C12orf56: variants seen among roughly 807,000 people sequenced by gnomAD.
The protein encoded by C12orf56 is chromosome 12 open reading frame 56, also known as uncharacterized protein C12orf56.
Under a neutral mutation model 69.9 loss-of-function variants are expected in C12orf56, and 71 were observed. The observed-to-expected ratio is 1.02, with a 90% CI of 0.84 to 1.24. The LOEUF is 1.24. Ranked by LOEUF, C12orf56 falls within the 50% of genes most tolerant of loss-of-function variation. The pLI is 0.00. For missense variants in C12orf56, 732 were observed against 738.5 expected (o/e 0.99, Z 0.10); for synonymous variants, 276 against 274.1 (o/e 1.01, Z -0.07).
At chr12:64,302,113 A>T (rs1385762269) in intron 6 of C12orf56, among the ~76,000 whole-genome samples, 2 of 152,216 alleles carry the variant, frequency 1.3e-5, no homozygotes, top group Admixed American at 6.5e-5. Flanking sequence ...CCCTTTCCAC[A>T]TGAATTCCAT....
chr12:64,312,598 G>A, intron 5 of C12orf56, 81 bp downstream of exon 5: 1 of 1,023,964 alleles, frequency 9.8e-7, no homozygotes, highest in East Asian at 2.6e-5. Flanking sequence ...AACAGAGTGA[G>A]ACTCAGTTTC....
intron 11 of C12orf56, among the ~76,000 whole-genome samples, chr12:64,272,896 G>A (rs1445388221): frequency 1.3e-5 from 2 of 152,144 alleles, no homozygotes; most frequent in East Asian, 3.9e-4. Context: ...GTAAACATAT[G>A]TCATAGGGAT....
At chr12:64,343,407 AC>A (rs1378569665) in intron 2 of C12orf56, among the ~76,000 whole-genome samples, 1 of 152,176 alleles carries the variant, frequency 6.6e-6, no homozygotes, top group Non-Finnish European at 1.5e-5. Flanking sequence ...TAAGATTATG[AC>A]ACAAAGCTGG....
intron 1 of C12orf56, among the ~76,000 whole-genome samples, chr12:64,357,840 C>T (rs1337357807): frequency 2.6e-5 from 4 of 151,772 alleles, no homozygotes; most frequent in Admixed American, 2.0e-4. Context: ...ACAGAGGCTG[C>T]AGTGAGCCAA....
At chr12:64,337,481 G>A (rs2039011180) in intron 2 of C12orf56, among the ~76,000 whole-genome samples, 1 of 152,098 alleles carries the variant, frequency 6.6e-6, no homozygotes, top group Admixed American at 6.6e-5. Flanking sequence ...TACTACTTTG[G>A]CATATTGGTT....
In C12orf56 at chr12:64,365,460, C is replaced by T. The variant is rs1269859484; in HGVS notation, c.253-12404G>A. On this transcript the variant is annotated intron_variant, in intron 1 of 12. Transcript: ENST00000543942. ...GATTACAGGGATGAGCCACCACGCCCGGCCGCTATTCCCATTTTATAAGGG... is the reference window on the plus strand; with the variant it reads ...GATTACAGGGATGAGCCACCACGCCTGGCCGCTATTCCCATTTTATAAGGG... Among the ~76,000 whole-genome samples the T allele has an allele frequency of 3.3e-5, 5 of 151,616 alleles. No individual in the cohort carries two copies. In the East Asian group the frequency reaches 5.8e-4, roughly 18 times the overall value.
At chr12:64,336,843 C>T (rs1192294233) in intron 2 of C12orf56, among the ~76,000 whole-genome samples, 2 of 152,162 alleles carry the variant, frequency 1.3e-5, no homozygotes, top group African/African-American at 4.8e-5. Context: ...TCCTTCCCTT[C>T]TCCCTCTATG....
At chr12:64,384,223 G>A (rs562136467) in intron 1 of C12orf56, among the ~76,000 whole-genome samples, 107 of 152,262 alleles carry the variant, frequency 7.0e-4, no homozygotes, top group Non-Finnish European at 1.3e-3. Context: ...CAAAGCCTGT[G>A]ATCTTAGGTA....
Position 64,337,896 on chromosome 12 carries a change from T to C in C12orf56, c.416-6864A>G, listed in dbSNP as rs534701980. Among the ~76,000 whole-genome samples the C allele has an allele frequency of 4.0e-5, 6 of 150,202 alleles. No individual in the cohort carries two copies. In the South Asian group the frequency reaches 1.3e-3, roughly 32 times the overall value. On this transcript the variant is annotated intron_variant, in intron 2 of 12. Transcript: ENST00000543942. ...AAAACACCAGGACATAAATTTCCCATGAGAAAGGCAACCTCTTTATACCAG... is the reference window on the plus strand; with the variant it reads ...AAAACACCAGGACATAAATTTCCCACGAGAAAGGCAACCTCTTTATACCAG...
intron 5 of C12orf56, among the ~76,000 whole-genome samples, chr12:64,307,000 C>T (rs2038522018): frequency 6.6e-6 from 1 of 152,088 alleles, no homozygotes; most frequent in Admixed American, 6.5e-5. Flanking sequence ...CAGGAATTAA[C>T]TTAGTAATAA....
In C12orf56 at chr12:64,316,590, TAAAG is replaced by T. The variant is rs543966129; in HGVS notation, c.894+1981_894+1984del. Among the ~76,000 whole-genome samples, 58 of 152,188 alleles carry T rather than the reference TAAAG, an allele frequency of 3.8e-4. 1 individual carries two copies. The South Asian group carries it at 0.011, about 30-fold the overall frequency. On this transcript the variant is annotated intron_variant, in intron 4 of 12. Transcript: ENST00000543942. ...TTCAATGATAGTGTCTACCAACTCA[TAAAG>T]ATAGTCTTCCTCCACCCACATTTAT...
chr12:64,295,147 T>A (rs1023632939), intron 6 of C12orf56, among the ~76,000 whole-genome samples: 16 of 152,186 alleles, frequency 1.1e-4, no homozygotes, highest in African/African-American at 3.9e-4. Flanking sequence ...CCTCCCAATG[T>A]GCTGGGATTA....
intron 4 of C12orf56, among the ~76,000 whole-genome samples, chr12:64,317,534 C>T (rs776159984): frequency 6.6e-6 from 1 of 151,954 alleles, no homozygotes; most frequent in African/African-American, 2.4e-5. Context: ...CCGAGGTGGG[C>T]GGATCACCTG....
chr12:64,381,268 G>A (rs954788614), intron 1 of C12orf56, among the ~76,000 whole-genome samples: 12 of 152,146 alleles, frequency 7.9e-5, no homozygotes, highest in Admixed American at 1.3e-4. Flanking sequence ...TCCTGTCTGC[G>A]TGGTGCCAGC....
intron 1 of C12orf56, among the ~76,000 whole-genome samples, chr12:64,376,838 C>A (rs2039648048): frequency 6.6e-6 from 1 of 152,008 alleles, no homozygotes; most frequent in Admixed American, 6.6e-5. Context: ...ATATGTACCA[C>A]ATTTTCTTTT....
At chr12:64,339,383 A>T (rs1371784672) in intron 2 of C12orf56, among the ~76,000 whole-genome samples, 1 of 152,082 alleles carries the variant, frequency 6.6e-6, no homozygotes, top group Non-Finnish European at 1.5e-5. Flanking sequence ...CCAGTTTATT[A>T]TAAAGGATTA....
chr12:64,335,031 A>C (rs2038975729), intron 2 of C12orf56, among the ~76,000 whole-genome samples: 1 of 152,178 alleles, frequency 6.6e-6, no homozygotes, highest in African/African-American at 2.4e-5. Flanking sequence ...CAAGATATAG[A>C]ACATCTCCAT....
chr12:64,270,628 C>T lies in C12orf56; in HGVS notation c.1671G>A (p.Leu557=), dbSNP rs2037973808. The stretch of plus-strand genomic sequence containing the variant: ...TGAGGATGTAAAATTGCTGGTACAA[C>T]AGAACTGCTTGGCAGGGACTTAGCA... ...FQLLSPCQAV[L]LYQQFYILKS... The change falls in exon 12 of 13, where the codon CTG becomes CTA. Residue 557 remains leucine (L), a synonymous_variant. Transcript: ENST00000543942. The T allele has an allele frequency of 6.2e-7, 1 of 1,613,896 alleles. No individual in the cohort carries two copies. The highest frequency in any genetic ancestry group is 8.5e-7 in the Non-Finnish European group (1 of 1,179,836).
At chr12:64,365,703 CAATATATAGTTTATATAATATAT>C (rs1244307275) in intron 1 of C12orf56, among the ~76,000 whole-genome samples, 4 of 142,104 alleles carry the variant, frequency 2.8e-5, no homozygotes, top group South Asian at 2.1e-4. Flanking sequence ...TTATATAATA[CAATATATAGTTTATATAATATAT>C]AATATATAGT....
Sources: allele counts gnomAD v4.1 joint callset (sites outside exome capture counted in the v4.1 genomes callset), GRCh38; gene constraint gnomAD v4.1.1; transcripts MANE v1.5; gene names NCBI Gene and HGNC (gene_info 2026-07-23, HGNC 2026-07-21).